The following SNTG1 variants were observed in gnomAD, a reference collection of about 807,000 sequenced individuals.
The protein encoded by SNTG1 is gamma-1-syntrophin.
In SNTG1, 39 loss-of-function variants were observed where a neutral mutation model predicts 74.7. The ratio of observed to expected loss-of-function variants is 0.52; its 90% CI spans 0.40 to 0.68. SNTG1 has a LOEUF of 0.68. Ranked by LOEUF, SNTG1 falls within the 30% of genes least tolerant of loss-of-function variation. The pLI, the probability that SNTG1 is intolerant of heterozygous loss-of-function variation, is 0.00. For missense variants in SNTG1, 685 were observed against 609.5 expected, an observed-to-expected ratio of 1.12 and a Z score of -1.30; for synonymous variants, 254 against 217.1, an observed-to-expected ratio of 1.17 and a Z score of -1.49.
In SNTG1 at chr8:50,042,753, A is replaced by G. The variant is rs527773481; in HGVS notation, c.-102-129808A>G. Among the ~76,000 whole-genome samples, 61 of 151,614 alleles carry G rather than the reference A, an allele frequency of 4.0e-4. 1 individual carries two copies. The highest frequency in any genetic ancestry group is 8.8e-4 in the Non-Finnish European group (60 of 67,884). Reference sequence around the variant, plus strand: ...CTTTTTTTTTTTTTTGGTAGAGGTAAGGTCTTGCATTGTTCCCCAGACTAG... The same window carrying G: ...CTTTTTTTTTTTTTTGGTAGAGGTAGGGTCTTGCATTGTTCCCCAGACTAG... On this transcript the variant is annotated intron_variant, in intron 1 of 18. Coordinates refer to ENST00000642720, the MANE Select transcript of SNTG1 (RefSeq NM_018967.5).
intron 18 of SNTG1, among the ~76,000 whole-genome samples, chr8:50,754,164 C>G (rs1585712816): frequency 6.6e-6 from 1 of 151,662 alleles, no homozygotes; most frequent in South Asian, 2.1e-4. Flanking sequence ...TGTAGATGTT[C>G]TTGTGTGGAC....
chr8:50,500,813 T>G (rs1215215758), intron 8 of SNTG1, among the ~76,000 whole-genome samples: 1 of 152,102 alleles, frequency 6.6e-6, no homozygotes, highest in Non-Finnish European at 1.5e-5. Flanking sequence ...CTGGGATTGT[T>G]TGAAGGGATG....
At chr8:50,673,881 C>G (rs2095297366) in intron 15 of SNTG1, among the ~76,000 whole-genome samples, 1 of 152,096 alleles carries the variant, frequency 6.6e-6, no homozygotes, top group South Asian at 2.1e-4. Context: ...GAGTTTTTAA[C>G]ATGAAGTGAT....
chr8:50,536,642 GA>G (rs781712851), intron 10 of SNTG1, 35 bp from the exon 11 acceptor site: 1 of 1,603,486 alleles, frequency 6.2e-7, no homozygotes, highest in African/African-American at 1.3e-5. Flanking sequence ...AAGCACAGAA[GA>G]AAAAAATTAC....
Position 49,988,328 on chromosome 8 carries a change from A to G in SNTG1, c.-103+76097A>G, listed in dbSNP as rs572850806. Among the ~76,000 whole-genome samples, 2 of 152,324 alleles carry G rather than the reference A, an allele frequency of 1.3e-5. 1 individual carries two copies. Among genetic ancestry groups the G allele is most frequent in the South Asian group, 4.1e-4 (2 of 4,828 alleles). Reference sequence around the variant, plus strand: ...AATAAACCAAGTTACAGTAACTTCTAGATGCCAGATTTAGCAGAAGACTTC... The same window carrying G: ...AATAAACCAAGTTACAGTAACTTCTGGATGCCAGATTTAGCAGAAGACTTC... On this transcript the variant is annotated intron_variant, in intron 1 of 18. Transcript: ENST00000642720.
chr8:50,289,321 C>T (rs1022965714), intron 2 of SNTG1, among the ~76,000 whole-genome samples: 4 of 152,080 alleles, frequency 2.6e-5, no homozygotes, highest in Non-Finnish European at 2.9e-5. Flanking sequence ...AAGTTATCAC[C>T]GAATAGAATG....
chr8:50,602,939 G>A (rs1441278399), intron 13 of SNTG1, among the ~76,000 whole-genome samples: 1 of 145,902 alleles, frequency 6.9e-6, no homozygotes, highest in Non-Finnish European at 1.5e-5. Flanking sequence ...TGGTTTTAGA[G>A]TTCTTTCATT....
intron 9 of SNTG1, 148 bp from the exon 10 acceptor site, chr8:50,530,029 C>T (rs2094253934): frequency 3.0e-6 from 2 of 661,006 alleles, no homozygotes; most frequent in Admixed American, 6.0e-5. Context: ...TTGCAAAACT[C>T]TGGCTTTAGT....
chr8:50,309,120 C>T (rs1452192595), intron 2 of SNTG1, among the ~76,000 whole-genome samples: 2 of 152,026 alleles, frequency 1.3e-5, no homozygotes, highest in Admixed American at 1.3e-4. Context: ...ACATTCATAG[C>T]CCTTTACTGA....
chr8:50,735,225 C>A (rs2095525273), intron 17 of SNTG1, among the ~76,000 whole-genome samples: 1 of 151,530 alleles, frequency 6.6e-6, no homozygotes, highest in Admixed American at 6.6e-5. Flanking sequence ...TCTAAAGACA[C>A]AGGTGGTTTA....
At chr8:50,780,297 C>T (rs1357876937) in intron 18 of SNTG1, among the ~76,000 whole-genome samples, 3 of 152,120 alleles carry the variant, frequency 2.0e-5, no homozygotes, top group East Asian at 1.9e-4. Flanking sequence ...CCTCCTTGTA[C>T]CTCTTGTAGA....
intron 2 of SNTG1, among the ~76,000 whole-genome samples, chr8:50,230,581 A>AATC (rs2132059201): frequency 6.6e-6 from 1 of 151,544 alleles, no homozygotes; most frequent in East Asian, 1.9e-4. Context: ...TCAAAAAAGC[A>AATC]ATCTATAGGA....
At chr8:50,214,877 T>A (rs1438624039) in intron 2 of SNTG1, among the ~76,000 whole-genome samples, 1 of 152,100 alleles carries the variant, frequency 6.6e-6, no homozygotes, top group Admixed American at 6.6e-5. Context: ...TACTATAGAA[T>A]AGTAACATGC....
At chr8:50,186,163 C>G (rs1360635160) in intron 2 of SNTG1, among the ~76,000 whole-genome samples, 1 of 152,108 alleles carries the variant, frequency 6.6e-6, no homozygotes, top group East Asian at 1.9e-4. Context: ...AACCATGTCC[C>G]TGCAAAGGAC....
At chr8:50,702,140 C>T (rs1365452033) in intron 15 of SNTG1, among the ~76,000 whole-genome samples, 1 of 151,984 alleles carries the variant, frequency 6.6e-6, no homozygotes, top group Non-Finnish European at 1.5e-5. Context: ...ACATGAGCCA[C>T]TGCGCCCAGC....
chr8:50,593,635 C>G (rs1283993671), intron 13 of SNTG1, among the ~76,000 whole-genome samples: 1 of 151,834 alleles, frequency 6.6e-6, no homozygotes, highest in East Asian at 1.9e-4. Flanking sequence ...CTTCACTTTT[C>G]ATGAGGAGTA....
At chr8:50,771,704 T>C (rs982688256) in intron 18 of SNTG1, among the ~76,000 whole-genome samples, 1 of 151,930 alleles carries the variant, frequency 6.6e-6, no homozygotes, top group African/African-American at 2.4e-5. Flanking sequence ...TTCAAAGATC[T>C]TTGAGGCCAG....
intron 13 of SNTG1, among the ~76,000 whole-genome samples, chr8:50,592,692 C>T (rs2094699987): frequency 1.3e-5 from 2 of 151,994 alleles, no homozygotes; most frequent in Admixed American, 1.3e-4. Flanking sequence ...TATTTGCTAG[C>T]CTGTTAATAT....
rs1212867209 is a variant in SNTG1 at position 50,206,515 on chromosome 8, G to A, written c.-28+33880G>A. On this transcript the variant is annotated intron_variant, in intron 2 of 18. Coordinates refer to ENST00000642720, the MANE Select transcript of SNTG1 (RefSeq NM_018967.5). ...TACACAATCATGTCATCTGCAAACA[G>A]GGACAGTTTGACTTCCTCTTTTCCT... Among the ~76,000 whole-genome samples the A allele has an allele frequency of 2.0e-5, 3 of 152,138 alleles. No homozygotes were observed. In the East Asian group the frequency reaches 5.8e-4, roughly 29 times the overall value.
Sources: allele counts gnomAD v4.1 joint callset (sites outside exome capture counted in the v4.1 genomes callset), GRCh38; gene constraint gnomAD v4.1.1; transcripts MANE v1.5; gene names NCBI Gene and HGNC (gene_info 2026-07-23, HGNC 2026-07-21).